Variants in ERI2 observed in about 807,000 individuals in gnomAD.
ERI2 encodes the protein ERI1 exoribonuclease family member 2, also known as ERI1 exoribonuclease 2.
In ERI2, 35 loss-of-function variants were observed where a neutral mutation model predicts 46.8. The ratio of observed to expected loss-of-function variants is 0.75; its 90% CI spans 0.57 to 0.99. The LOEUF is 0.99. Ranked by LOEUF, ERI2 falls within the 50% of genes least tolerant of loss-of-function variation. The probability of loss-of-function intolerance (pLI) is 0.00; values close to 1 mark genes in which losing one functional copy is unlikely to be tolerated. For missense variants in ERI2, 695 were observed against 796.2 expected, an observed-to-expected ratio of 0.87 and a Z score of 1.53; for synonymous variants, 224 against 271.0, an observed-to-expected ratio of 0.83 and a Z score of 1.70.
At chr16:20,803,813 T>C in intron 1 of ERI2, 143 bp from the exon 2 acceptor site, 2 of 983,896 alleles carry the variant, frequency 2.0e-6, no homozygotes, top group South Asian at 3.1e-5. Context: ...TGGCTTTACC[T>C]GCACAGGCCT....
Position 20,798,436 on chromosome 16 carries a change from T to C in ERI2, c.1364A>G (p.His455Arg). The change falls in exon 9 of 9, where the codon CAT becomes CGT. Residue 455 changes from histidine (H) to arginine (R), a missense_variant. Physicochemically the swap from His to Arg is conservative, Grantham distance 29. Coordinates refer to ENST00000357967, the MANE Select transcript of ERI2 (RefSeq NM_001142725.2). Reference protein sequence around the residue: ...MVLKELEMSSHENFGDIEETP... With the variant: ...MVLKELEMSSRENFGDIEETP... ...TTCCTCTATGTCTCCAAAGTTTTCA[T>C]GACTTGACATTTCCAATTCTTTCAA... 1 of 1,550,824 alleles carries C rather than the reference T, an allele frequency of 6.4e-7. No homozygotes were observed. The highest frequency in any genetic ancestry group is 8.7e-7 in the Non-Finnish European group (1 of 1,146,756).
At position 20,798,026 on chromosome 16, in the gene ERI2, T is replaced by C; in HGVS notation, c.1774A>G (p.Met592Val). The change falls in exon 9 of 9, where the codon ATG becomes GTG. Residue 592 changes from methionine to valine, a missense_variant. Transcript: ENST00000357967. ...CCACACTTGCATAATGGAGGTGTCATTTTCCCACTCTTCCATGGCTCTTGT... is the reference window on the plus strand; with the variant it reads ...CCACACTTGCATAATGGAGGTGTCACTTTCCCACTCTTCCATGGCTCTTGT... ...NLQEPWKSGK[M>V]TPPLCKCGRR... 1.3e-6 allele frequency: 2 copies of C among 1,551,858 alleles called. No homozygotes were observed. Among genetic ancestry groups the C allele is most frequent in the East Asian group, 2.4e-5 (1 of 40,914 alleles).
intron 10 of ERI2, chr16:20,781,866 G>A: frequency 9.0e-7 from 1 of 1,112,940 alleles, no homozygotes; most frequent in East Asian, 2.4e-5. Context: ...CTTTCTGCCT[G>A]AAACATAGCT....
chr16:20,786,888 T>A (rs1477062577), intron 10 of ERI2, among the ~76,000 whole-genome samples: 1 of 152,168 alleles, frequency 6.6e-6, no homozygotes, highest in African/African-American at 2.4e-5. Context: ...ACACTGGTCC[T>A]CTCAGGCAAG....
chr16:20,788,827 C>T (rs2080530977), intron 10 of ERI2, among the ~76,000 whole-genome samples: 1 of 152,072 alleles, frequency 6.6e-6, no homozygotes, highest in Non-Finnish European at 1.5e-5. Context: ...TCCTTCATAC[C>T]TGGAACCACA....
At chr16:20,801,904 G>C (rs2080799673) in intron 4 of ERI2, among the ~76,000 whole-genome samples, 1 of 151,986 alleles carries the variant, frequency 6.6e-6, no homozygotes, top group Non-Finnish European at 1.5e-5. Flanking sequence ...AATCACAGGT[G>C]TGTAACACCA....
chr16:20,792,101 A>G (rs1158398493), downstream of ERI2: 2 of 1,614,162 alleles, frequency 1.2e-6, no homozygotes, highest in South Asian at 2.2e-5. Flanking sequence ...GTTTGTTGCA[A>G]GAGCAGATGA....
At position 20,797,594 on chromosome 16, in the gene ERI2, T is replaced by G; in HGVS notation, c.*130A>C. On this transcript the variant is annotated 3_prime_UTR_variant, in exon 9 of 9. Transcript: ENST00000357967. ...TGTTTACAAAAGATTACACTTGTGGTTCCTGAAGAAAGTATGGTAAATGCA... is the reference window on the plus strand; with the variant it reads ...TGTTTACAAAAGATTACACTTGTGGGTCCTGAAGAAAGTATGGTAAATGCA... 3.0e-6 allele frequency: 4 copies of G among 1,314,550 alleles called. No individual in the cohort carries two copies. The highest frequency in any genetic ancestry group is 3.9e-6 in the Non-Finnish European group (4 of 1,034,140). 81.4% of individuals were successfully genotyped at this position (1,314,550 alleles called of 1,614,324 possible).
downstream of ERI2, chr16:20,792,058 C>A: frequency 1.2e-6 from 2 of 1,614,072 alleles, no homozygotes; most frequent in East Asian, 4.5e-5. Context: ...TCACTGGGGA[C>A]AGAGGATATA....
chr16:20,780,471 A>G (rs1211783314), exon 11 of ERI2: 1 of 719,160 alleles, frequency 1.4e-6, no homozygotes, highest in Non-Finnish European at 2.2e-6. Flanking sequence ...TTTATCATAG[A>G]ATAAAAAGCT....
intron 1 of ERI2, 127 bp downstream of exon 1, chr16:20,806,281 G>C: frequency 2.1e-6 from 3 of 1,448,814 alleles, no homozygotes; most frequent in Non-Finnish European, 2.7e-6. Context: ...AGGGCAGGTC[G>C]CAGACGCCGG....
In ERI2 at chr16:20,798,256, T is replaced by C. The variant is rs2080756499; in HGVS notation, c.1544A>G (p.Asn515Ser). Residue 515 changes from asparagine to serine, a missense_variant, in exon 9 of 9, where the codon AAT (asparagine) becomes AGT (serine). Physicochemically the swap from Asn to Ser is conservative, Grantham distance 46. Coordinates refer to ENST00000357967, the MANE Select transcript of ERI2 (RefSeq NM_001142725.2). ...CCCCAAAACTAAAGGATGAGACATA[T>C]TGGCATTAACTCTGTTGAAGGTACT... is the stretch of plus-strand genomic sequence containing the variant. ...KSSTFNRVNA[N>S]MSHPLVLGKH... 3 of 1,551,448 alleles carry C rather than the reference T, an allele frequency of 1.9e-6. No individual in the cohort carries two copies. Among genetic ancestry groups the C allele is most frequent in the Non-Finnish European group, 2.6e-6 (3 of 1,146,896 alleles).
Position 20,797,585 on chromosome 16 carries a change from C to T in ERI2, c.*139G>A. The T allele has an allele frequency of 2.3e-6, 3 of 1,304,840 alleles. No homozygotes were observed. The East Asian group carries it at 8.6e-5, about 38-fold the overall frequency. The allele number at this position is 1,304,840 out of a possible 1,614,324, so 80.8% of individuals were successfully genotyped here. A position where few individuals can be genotyped will look rare whatever the true frequency, so the allele number is the denominator to read the frequency against. ...AATAAATACTGTTTACAAAAGATTA[C>T]ACTTGTGGTTCCTGAAGAAAGTATG... On this transcript the variant is annotated 3_prime_UTR_variant, in exon 9 of 9. Transcript: ENST00000357967.
Position 20,806,373 on chromosome 16 carries a change from GCTACCCGCCCCCGACCCGGAA to G in ERI2, c.23+14_23+34del. 2.6e-6 allele frequency: 4 copies of G among 1,548,740 alleles called. No individual in the cohort carries two copies. Among genetic ancestry groups the G allele is most frequent in the Non-Finnish European group, 3.5e-6 (4 of 1,146,812 alleles). ...GGCCAACGCCAGCGCTGGACCCGGAGCTACCCGCCCCCGACCCGGAACTCCCTCGAGTACCGCGCGAGCCGC... is the reference window on the plus strand; with the variant it reads ...GGCCAACGCCAGCGCTGGACCCGGAGCTCCCTCGAGTACCGCGCGAGCCGC... On this transcript the variant is annotated intron_variant, in intron 1 of 8. Coordinates refer to ENST00000357967, the MANE Select transcript of ERI2 (RefSeq NM_001142725.2).
chr16:20,790,746 AT>A lies in ERI2; in HGVS notation c.815+103del. ...TTTATTTCTCAAGTGCTTGGTAACA[AT>A]CCCTGTTTGCCACAAAACATACCTA... On this transcript the variant is annotated intron_variant, in intron 9 of 10. Coordinates refer to the ERI2 transcript ENST00000300005. This position sits in a 1 kb window ranked among gnomAD's most constrained non-coding sequence, Gnocchi z 4.0. 1 of 1,613,686 alleles carries A rather than the reference AT, an allele frequency of 6.2e-7. No homozygotes were observed. The highest frequency in any genetic ancestry group is 8.5e-7 in the Non-Finnish European group (1 of 1,179,660).
At chr16:20,792,228 G>A, downstream of ERI2, 1 of 1,614,086 alleles carries the variant, frequency 6.2e-7, no homozygotes, top group Non-Finnish European at 8.5e-7. Flanking sequence ...TGCCATATGT[G>A]TTTCTAGCTA....
chr16:20,803,731 G>A (rs999122003), intron 1 of ERI2, 61 bp from the exon 2 acceptor site: 1 of 1,549,956 alleles, frequency 6.5e-7, no homozygotes, highest in Non-Finnish European at 8.8e-7. Context: ...TGTTTGAGTA[G>A]GCTACCAAAC....
downstream of ERI2, among the ~76,000 whole-genome samples, chr16:20,792,954 T>C (rs1215896869): frequency 1.3e-5 from 2 of 152,222 alleles, no homozygotes; most frequent in Non-Finnish European, 2.9e-5. Flanking sequence ...CCCTAGGGTT[T>C]CTCTAGCTGA....
intron 4 of ERI2, 146 bp downstream of exon 4, chr16:20,802,650 C>A (rs1053570207): frequency 2.3e-6 from 2 of 873,550 alleles, no homozygotes; most frequent in Admixed American, 3.3e-5. Flanking sequence ...TGGCCTCAAG[C>A]AATTCTCGAA....
Sources: gnomAD v4.1 joint callset for allele counts (sites outside exome capture counted in the v4.1 genomes callset) on GRCh38, gnomAD v4.1.1 for gene constraint, Gnocchi (gnomAD v3.1) non-coding constraint, MANE v1.5 for transcripts, NCBI Gene and HGNC (gene_info 2026-07-23, HGNC 2026-07-21) for gene names.